The following SNTB2 variants were observed in gnomAD, a reference collection of about 807,000 sequenced individuals.
SNTB2 encodes syntrophin beta 2, also known as beta-2-syntrophin.
A neutral mutation model predicts 46.2 loss-of-function variants in SNTB2; 34 were observed. That is an observed-to-expected ratio of 0.74 (90% CI 0.56 to 0.98). The LOEUF is 0.98. SNTB2 is among the 50% of genes least tolerant of loss of function. SNTB2 has a pLI of 0.00. For missense variants in SNTB2, 603 were observed against 731.4 expected, an observed-to-expected ratio of 0.82 and a Z score of 2.02; for synonymous variants, 290 against 312.6, an observed-to-expected ratio of 0.93 and a Z score of 0.76.
chr16:69,203,178 T>C (rs150643457), intron 1 of SNTB2, among the ~76,000 whole-genome samples: 3,499 of 152,060 alleles, frequency 0.023, 134 homozygotes, highest in African/African-American at 0.08. Flanking sequence ...CCACCACGCC[T>C]GGCTAATTTT....
intron 1 of SNTB2, among the ~76,000 whole-genome samples, chr16:69,236,305 G>A (rs1375403165): frequency 6.6e-6 from 1 of 152,128 alleles, no homozygotes; most frequent in African/African-American, 2.4e-5. Context: ...TATGAGTTGG[G>A]GTCTAGGACA....
At chr16:69,249,563 C>G (rs900665096) in intron 2 of SNTB2, among the ~76,000 whole-genome samples, 1 of 152,148 alleles carries the variant, frequency 6.6e-6, no homozygotes, top group Admixed American at 6.6e-5. Flanking sequence ...GCTGAATTCT[C>G]TTTGACATAT....
At chr16:69,262,498 G>T (rs1964843756) in intron 3 of SNTB2, among the ~76,000 whole-genome samples, 1 of 151,966 alleles carries the variant, frequency 6.6e-6, no homozygotes, top group East Asian at 1.9e-4. Context: ...CATGTTCATA[G>T]TGTTGTTTTT....
intron 5 of SNTB2, among the ~76,000 whole-genome samples, chr16:69,294,819 T>A (rs1323555211): frequency 7.3e-6 from 1 of 137,102 alleles, no homozygotes; most frequent in Non-Finnish European, 1.6e-5. Flanking sequence ...TAGTTTTTGA[T>A]TTTTTTTTTT....
At chr16:69,258,391 T>G (rs976293843) in intron 2 of SNTB2, among the ~76,000 whole-genome samples, 1 of 152,090 alleles carries the variant, frequency 6.6e-6, no homozygotes, top group Non-Finnish European at 1.5e-5. Flanking sequence ...ATAAATAATT[T>G]TTTCAATGTA....
At chr16:69,205,132 C>G (rs1433170770) in intron 1 of SNTB2, among the ~76,000 whole-genome samples, 1 of 151,260 alleles carries the variant, frequency 6.6e-6, no homozygotes, top group Non-Finnish European at 1.5e-5. Flanking sequence ...CAATTTCATC[C>G]TGGGAAATAC....
chr16:69,271,415 G>C (rs926545911), intron 4 of SNTB2, among the ~76,000 whole-genome samples: 1 of 152,038 alleles, frequency 6.6e-6, no homozygotes, highest in Admixed American at 6.6e-5. Flanking sequence ...TTAATATTTG[G>C]TTTTTTAAAT....
chr16:69,298,630 T>C (rs936153026), intron 5 of SNTB2, among the ~76,000 whole-genome samples: 2 of 150,106 alleles, frequency 1.3e-5, no homozygotes, highest in Admixed American at 6.6e-5. Context: ...CAAGCAGTTA[T>C]CCTGCCTCAG....
At chr16:69,253,363 T>A (rs1001349027) in intron 2 of SNTB2, among the ~76,000 whole-genome samples, 1 of 151,886 alleles carries the variant, frequency 6.6e-6, no homozygotes, top group Admixed American at 6.6e-5. Flanking sequence ...AAAAACTGGT[T>A]AACTGGCCGG....
chr16:69,246,197 T>C (rs1001116225), intron 2 of SNTB2, among the ~76,000 whole-genome samples: 14 of 152,340 alleles, frequency 9.2e-5, no homozygotes, highest in Admixed American at 9.2e-4. Context: ...GGCTGTGGGT[T>C]TGTCATAGAT....
At chr16:69,292,778 A>AT (rs1027438306) in intron 5 of SNTB2, among the ~76,000 whole-genome samples, 1 of 151,648 alleles carries the variant, frequency 6.6e-6, no homozygotes, top group Non-Finnish European at 1.5e-5. Flanking sequence ...TATAACATCA[A>AT]TTTTTTGATT....
At chr16:69,238,952 G>A (rs2152296018) in intron 1 of SNTB2, among the ~76,000 whole-genome samples, 1 of 152,204 alleles carries the variant, frequency 6.6e-6, no homozygotes, top group East Asian at 1.9e-4. Context: ...CAAAGTCCTT[G>A]CCATGACCTA....
chr16:69,190,500 G>T (rs370033168), intron 1 of SNTB2, among the ~76,000 whole-genome samples: 3 of 152,332 alleles, frequency 2.0e-5, no homozygotes, highest in South Asian at 2.1e-4. Context: ...GAGTTGAGAT[G>T]TGGGGAAACG....
At chr16:69,256,362 C>G (rs1964776122) in intron 2 of SNTB2, among the ~76,000 whole-genome samples, 1 of 152,026 alleles carries the variant, frequency 6.6e-6, no homozygotes. Flanking sequence ...CATGAAATTT[C>G]TTAATCATTT....
In SNTB2 at chr16:69,305,637, T is replaced by G. The variant is rs187167321; in HGVS notation, c.*4713T>G. 56 of 152,370 alleles carry G rather than the reference T, an allele frequency of 3.7e-4. No individual in the cohort carries two copies. The highest frequency in any genetic ancestry group is 6.5e-4 in the Non-Finnish European group (44 of 68,040). The allele number at this position is 152,370 out of a possible 1,614,324, so 9.4% of individuals were successfully genotyped here. On this transcript the variant is annotated 3_prime_UTR_variant, in exon 7 of 7. Transcript: ENST00000336278. ...TTCTGCTTAAACTTTAAGTTGAATT[T>G]GACTGTAGTCATTCATTCTTTTTAT...
chr16:69,270,242 G>A lies in SNTB2; in HGVS notation c.1105G>A (p.Ala369Thr). The A allele has an allele frequency of 6.2e-7, 1 of 1,614,120 alleles. No individual in the cohort carries two copies. The highest frequency in any genetic ancestry group is 8.5e-7 in the Non-Finnish European group (1 of 1,180,038). Residue 369 changes from alanine (A) to threonine (T), a missense_variant, in exon 4 of 7, where the codon GCC (alanine) becomes ACC (threonine). This residue lies in a region of SNTB2 where 537 missense variants were observed against 692.4 expected (regional missense o/e 0.78). Transcript: ENST00000336278. ...TGACTGTATGCCGTGGACAAGAGAT[G>A]CCTGGGCGTCACCATGCCACAGCTA... ...LYDCMPWTRD[A>T]WASPCHSYPL...
intron 1 of SNTB2, among the ~76,000 whole-genome samples, chr16:69,244,419 A>C (rs1964649462): frequency 6.6e-6 from 1 of 152,146 alleles, no homozygotes; most frequent in Non-Finnish European, 1.5e-5. Context: ...GGGTAGCTAG[A>C]AATCTGGACT....
chr16:69,258,939 T>C (rs367600151), intron 2 of SNTB2, among the ~76,000 whole-genome samples: 1 of 152,126 alleles, frequency 6.6e-6, no homozygotes, highest in Non-Finnish European at 1.5e-5. Context: ...TTTCACATAA[T>C]GTAAATTTCA....
At chr16:69,192,360 CA>C (rs746435581) in intron 1 of SNTB2, among the ~76,000 whole-genome samples, 4 of 152,140 alleles carry the variant, frequency 2.6e-5, no homozygotes, top group Non-Finnish European at 5.9e-5. Flanking sequence ...CCTGTGCATC[CA>C]AAAATTTGAT....
Sources: gnomAD v4.1 joint callset for allele counts (sites outside exome capture counted in the v4.1 genomes callset) on GRCh38, gnomAD v4.1.1 for gene constraint, gnomAD v4.1.1 regional missense constraint, MANE v1.5 for transcripts, NCBI Gene and HGNC (gene_info 2026-07-23, HGNC 2026-07-21) for gene names.